CDCA7L: variants seen among roughly 807,000 people sequenced by gnomAD.
CDCA7L encodes cell division cycle associated 7 like, also known as cell division cycle-associated 7-like protein.
A neutral mutation model predicts 57.4 loss-of-function variants in CDCA7L; 44 were observed. The ratio of observed to expected loss-of-function variants is 0.77; its 90% CI spans 0.60 to 0.98. CDCA7L has a LOEUF of 0.98. CDCA7L is among the 50% of genes least tolerant of loss of function. The pLI is 0.00. For missense variants in CDCA7L, 644 were observed against 580.6 expected (o/e 1.11, Z -1.12); for synonymous variants, 236 against 202.8 (o/e 1.16, Z -1.39).
At chr7:21,905,826 A>C (rs1222033936) in intron 6 of CDCA7L, 195 bp from the exon 7 acceptor site, 2 of 581,400 alleles carry the variant, frequency 3.4e-6, no homozygotes, top group Non-Finnish European at 5.6e-6. Context: ...AGGCGATACA[A>C]TCATAAAGGA....
chr7:21,942,639 G>A (rs1056962567), intron 1 of CDCA7L, among the ~76,000 whole-genome samples: 2 of 152,104 alleles, frequency 1.3e-5, no homozygotes, highest in Non-Finnish European at 2.9e-5. Flanking sequence ...TCTAATGTTT[G>A]TAATTGTTTT....
At chr7:21,931,119 A>C (rs367879544) in intron 1 of CDCA7L, among the ~76,000 whole-genome samples, 78 of 152,348 alleles carry the variant, frequency 5.1e-4, no homozygotes, top group African/African-American at 1.8e-3. Context: ...CAAGTTCTGA[A>C]ATTGGGGCAG....
intron 1 of CDCA7L, among the ~76,000 whole-genome samples, chr7:21,917,312 A>G (rs1785516507): frequency 6.6e-6 from 1 of 152,148 alleles, no homozygotes; most frequent in Non-Finnish European, 1.5e-5. Context: ...TACACTATTT[A>G]TTTTTCTCTT....
chr7:21,915,432 G>C (rs1785448271), intron 2 of CDCA7L, among the ~76,000 whole-genome samples: 1 of 137,666 alleles, frequency 7.3e-6, no homozygotes, highest in Non-Finnish European at 1.6e-5. Context: ...GATTCACTAA[G>C]TGAGAAGACT....
Position 21,939,891 on chromosome 7 carries a change from C to G in CDCA7L, c.24+5890G>C, listed in dbSNP as rs925555152. The stretch of plus-strand genomic sequence containing the variant: ...AATCCAAAACTGAAATAGGAGCACC[C>G]TGGTCTGTTAGGATATGACAAGCTA... On this transcript the variant is annotated intron_variant, in intron 1 of 9. Coordinates refer to ENST00000406877, the MANE Select transcript of CDCA7L (RefSeq NM_018719.5). Among the ~76,000 whole-genome samples the G allele has an allele frequency of 2.6e-5, 4 of 151,192 alleles. No homozygotes were observed. The East Asian group carries it at 7.8e-4, about 29-fold the overall frequency.
Position 21,901,276 on chromosome 7 carries a change from G to C in CDCA7L, c.*1046C>G. ...GTAAGGTAACACTGGCATTCCTCTA[G>C]CCTCTGCTGGAGTGCAGTGAGGATT... On this transcript the variant is annotated 3_prime_UTR_variant, in exon 10 of 10. Coordinates refer to ENST00000406877, the MANE Select transcript of CDCA7L (RefSeq NM_018719.5). 6.3e-7 allele frequency: 1 copy of C among 1,592,500 alleles called. No individual in the cohort carries two copies. The highest frequency in any genetic ancestry group is 8.6e-7 in the Non-Finnish European group (1 of 1,168,394).
In CDCA7L at chr7:21,902,068, AACTGGCAGATATTT is replaced by A. The variant is rs1471060333; in HGVS notation, c.*240_*253del. ...CCCCATTTAAACTGTGCTTTTTAAT[AACTGGCAGATATTT>A]TTAACAAAGTTCAGCATACAGACAG... is the stretch of plus-strand genomic sequence containing the variant. On this transcript the variant is annotated 3_prime_UTR_variant, in exon 10 of 10. Transcript: ENST00000406877. 4 of 495,848 alleles carry A rather than the reference AACTGGCAGATATTT, an allele frequency of 8.1e-6. No individual in the cohort carries two copies. Among genetic ancestry groups the A allele is most frequent in the Non-Finnish European group, 1.4e-5 (4 of 276,006 alleles). The allele number at this position is 495,848 out of a possible 1,614,324, so 30.7% of individuals were successfully genotyped here.
At chr7:21,929,631 C>CAAAAAAAAAAAAAAA (rs57283961) in intron 1 of CDCA7L, among the ~76,000 whole-genome samples, 31 of 35,508 alleles carry the variant, frequency 8.7e-4, no homozygotes, top group African/African-American at 1.8e-3. Context: ...AAATGGAAAG[C>CAAAAAAAAAAAAAAA]AAAAAAAAAA....
intron 1 of CDCA7L, among the ~76,000 whole-genome samples, chr7:21,929,739 T>C (rs1341057531): frequency 1.4e-5 from 2 of 147,734 alleles, no homozygotes; most frequent in African/African-American, 5.1e-5. Context: ...CATTACATAA[T>C]GCTAAAGGGA....
rs535357738 is a variant in CDCA7L, at chr7:21,900,969, G to GCTGCCACACAATT, written c.*1340_*1352dup. The GCTGCCACACAATT allele has an allele frequency of 6.5e-4, 985 of 1,526,916 alleles. 9 individuals are homozygous for GCTGCCACACAATT. The African/African-American group carries it at 0.012, about 19-fold the overall frequency. 94.6% of individuals were successfully genotyped at this position (1,526,916 alleles called of 1,614,324 possible). On this transcript the variant is annotated 3_prime_UTR_variant, in exon 10 of 10. Coordinates refer to ENST00000406877, the MANE Select transcript of CDCA7L (RefSeq NM_018719.5). ...ACTTGATCATTATCATTAGTAGCAA[G>GCTGCCACACAATT]CTGCCACACAATTGCAACCGCTGTG...
Position 21,903,167 on chromosome 7 carries a change from A to T in CDCA7L, c.1198-53T>A, listed in dbSNP as rs1784995739. 5.1e-6 allele frequency: 8 copies of T among 1,567,556 alleles called. No individual in the cohort carries two copies. The South Asian group carries it at 9.3e-5, about 18-fold the overall frequency. ...CGCTCATTATCTACAGGGTCTGGCA[A>T]GAACTGGGATTCGGATCCAGAATGG... On this transcript the variant is annotated intron_variant, in intron 8 of 9. Transcript: ENST00000406877.
At chr7:21,933,701 A>G (rs1206674479) in intron 1 of CDCA7L, among the ~76,000 whole-genome samples, 1 of 152,148 alleles carries the variant, frequency 6.6e-6, no homozygotes, top group East Asian at 1.9e-4. Flanking sequence ...TAACTAATGT[A>G]GACGACGGGT....
At chr7:21,919,692 T>C (rs574170433) in intron 1 of CDCA7L, among the ~76,000 whole-genome samples, 1 of 152,264 alleles carries the variant, frequency 6.6e-6, no homozygotes, top group African/African-American at 2.4e-5. Context: ...AGCATCGCCG[T>C]TCCACCACAA....
chr7:21,945,815 C>G lies in CDCA7L; in HGVS notation c.-11G>C. ...AGTCGCCAACTCCATTCTTCCTAACCGGGCTCCAGTCTCCTCCCAGCACGC... is the reference window on the plus strand; with the variant it reads ...AGTCGCCAACTCCATTCTTCCTAACGGGGCTCCAGTCTCCTCCCAGCACGC... On this transcript the variant is annotated 5_prime_UTR_variant, in exon 1 of 10. Transcript: ENST00000406877. The G allele has an allele frequency of 2.5e-6, 4 of 1,598,536 alleles. No individual in the cohort carries two copies. The highest frequency in any genetic ancestry group is 3.4e-6 in the Non-Finnish European group (4 of 1,173,922).
intron 2 of CDCA7L, among the ~76,000 whole-genome samples, chr7:21,912,028 G>A (rs181621319): frequency 5.8e-4 from 87 of 150,968 alleles, no homozygotes; most frequent in East Asian, 5.1e-3. Flanking sequence ...TTGGGAGACC[G>A]AGGCAGGCAG....
intron 1 of CDCA7L, among the ~76,000 whole-genome samples, chr7:21,936,084 A>C (rs1198728162): frequency 2.0e-5 from 3 of 152,210 alleles, no homozygotes; most frequent in Non-Finnish European, 4.4e-5. Context: ...TGGATTATCT[A>C]GATATAATGG....
chr7:21,932,590 G>C (rs1221145141), intron 1 of CDCA7L, among the ~76,000 whole-genome samples: 1 of 152,194 alleles, frequency 6.6e-6, no homozygotes, highest in Non-Finnish European at 1.5e-5. Flanking sequence ...GGGAAAACTG[G>C]CTAGCCATAT....
At position 21,906,465 on chromosome 7, in the gene CDCA7L, A is replaced by G; in HGVS notation, c.754-9T>C. On this transcript the variant is annotated splice_polypyrimidine_tract_variant and intron_variant, in intron 5 of 9. Transcript: ENST00000406877. Reference sequence around the variant, plus strand: ...CTCACTGTCTTCTTCCTCTGAAATCAAGAGCACAGACAGAGACAACTGGGG... The same window carrying G: ...CTCACTGTCTTCTTCCTCTGAAATCGAGAGCACAGACAGAGACAACTGGGG... 1 of 1,609,284 alleles carries G rather than the reference A, an allele frequency of 6.2e-7. No individual in the cohort carries two copies. Among genetic ancestry groups the G allele is most frequent in the Non-Finnish European group, 8.5e-7 (1 of 1,176,864 alleles).
At chr7:21,935,314 G>T (rs2128069178) in intron 1 of CDCA7L, among the ~76,000 whole-genome samples, 1 of 151,990 alleles carries the variant, frequency 6.6e-6, no homozygotes, top group East Asian at 1.9e-4. Context: ...ACATCACAAG[G>T]GAAATTAGAA....
Sources: gnomAD v4.1 joint callset for allele counts (sites outside exome capture counted in the v4.1 genomes callset) on GRCh38, gnomAD v4.1.1 for gene constraint, MANE v1.5 for transcripts, NCBI Gene and HGNC (gene_info 2026-07-23, HGNC 2026-07-21) for gene names.